RALYL: variants seen among roughly 807,000 people sequenced by gnomAD.
RALYL encodes RALY RNA binding protein like, also known as RNA-binding Raly-like protein.
A neutral mutation model predicts 35.1 loss-of-function variants in RALYL; 29 were observed. The ratio of observed to expected loss-of-function variants is 0.83; its 90% confidence interval spans 0.61 to 1.13. RALYL has a LOEUF of 1.13. RALYL is among the 50% of genes most tolerant of loss of function. RALYL has a pLI of 0.00. For synonymous variants in RALYL, 120 were observed against 127.6 expected (o/e 0.94, Z 0.40); for missense variants, 359 against 360.4 (o/e 1.00, Z 0.03).
At chr8:84,514,873 T>C (rs930662296) in intron 1 of RALYL, among the ~76,000 whole-genome samples, 1 of 152,148 alleles carries the variant, frequency 6.6e-6, no homozygotes, top group Non-Finnish European at 1.5e-5. Flanking sequence ...GAGAAAGTCC[T>C]CTAGAGAGCT....
intron 2 of RALYL, among the ~76,000 whole-genome samples, chr8:84,756,166 C>G (rs181210211): frequency 1.3e-5 from 2 of 151,804 alleles, no homozygotes; most frequent in African/African-American, 4.8e-5. Context: ...CTCATCCCCC[C>G]CAAAAAAACC....
At chr8:84,265,847 A>G (rs16912624) in intron 1 of RALYL, among the ~76,000 whole-genome samples, 5,487 of 152,244 alleles carry the variant, frequency 0.036, 122 homozygotes, top group East Asian at 0.12. Flanking sequence ...ATAATTTTTT[A>G]TCAAGATGAG....
chr8:84,824,944 A>G (rs1344553373), intron 4 of RALYL, among the ~76,000 whole-genome samples: 3 of 152,168 alleles, frequency 2.0e-5, no homozygotes, highest in Non-Finnish European at 4.4e-5. Flanking sequence ...AGCCTTCGGA[A>G]AGAATTCATG....
chr8:84,525,919 G>A (rs946110919), intron 1 of RALYL, among the ~76,000 whole-genome samples: 6 of 144,638 alleles, frequency 4.1e-5, no homozygotes, highest in Non-Finnish European at 4.5e-5. Flanking sequence ...TATTTTATGT[G>A]ATTGAATGAC....
rs187429654 is a variant in RALYL at position 84,480,073 on chromosome 8, A to G, written c.-23-49226A>G. On this transcript the variant is annotated intron_variant, in intron 1 of 8. Coordinates refer to ENST00000521268, the MANE Select transcript of RALYL (RefSeq NM_173848.7). ...TCTGATATGTGTCGAATACATATGG[A>G]CGAGTAGACCAGTGAGTTCCAACCT... Among the ~76,000 whole-genome samples, 392 of 152,274 alleles carry G rather than the reference A, an allele frequency of 2.6e-3. 2 individuals are homozygous for G. Among genetic ancestry groups the G allele is most frequent in the African/African-American group, 8.6e-3 (359 of 41,560 alleles).
chr8:84,601,109 T>C (rs1815837236), intron 2 of RALYL, among the ~76,000 whole-genome samples: 2 of 152,136 alleles, frequency 1.3e-5, no homozygotes, highest in Admixed American at 1.3e-4. Flanking sequence ...AAAATAAATG[T>C]CATTTAATAT....
intron 1 of RALYL, among the ~76,000 whole-genome samples, chr8:84,449,899 C>G (rs974582596): frequency 4.6e-5 from 7 of 151,626 alleles, no homozygotes; most frequent in Non-Finnish European, 7.4e-5. Flanking sequence ...ACATTTTTTG[C>G]AAATATTTAA....
chr8:84,714,030 TCACA>T (rs370280872), intron 2 of RALYL, among the ~76,000 whole-genome samples: 2 of 148,262 alleles, frequency 1.3e-5, no homozygotes, highest in South Asian at 2.1e-4. Flanking sequence ...ACACACATAC[TCACA>T]CACACACACA....
At chr8:84,284,304 G>T (rs1837191372) in intron 1 of RALYL, among the ~76,000 whole-genome samples, 1 of 152,086 alleles carries the variant, frequency 6.6e-6, no homozygotes, top group Admixed American at 6.6e-5. Context: ...TTTTCAGAAA[G>T]TCAAGCAGTA....
chr8:84,549,604 G>A (rs191153244), intron 2 of RALYL, among the ~76,000 whole-genome samples: 1 of 152,288 alleles, frequency 6.6e-6, no homozygotes, highest in East Asian at 1.9e-4. Flanking sequence ...AGGCCTCTGG[G>A]AAAGAGCTAA....
intron 1 of RALYL, among the ~76,000 whole-genome samples, chr8:84,464,036 G>T (rs772093054): frequency 1.3e-5 from 2 of 151,400 alleles, no homozygotes; most frequent in Non-Finnish European, 2.9e-5. Context: ...CCATGCTGTT[G>T]CATTTATCAG....
chr8:84,734,964 T>A (rs1050668905), intron 2 of RALYL, among the ~76,000 whole-genome samples: 1 of 151,712 alleles, frequency 6.6e-6, no homozygotes, highest in Non-Finnish European at 1.5e-5. Context: ...AACATGAATA[T>A]ATATATATGT....
At chr8:84,377,384 GA>G (rs1357401452) in intron 1 of RALYL, among the ~76,000 whole-genome samples, 3 of 148,058 alleles carry the variant, frequency 2.0e-5, no homozygotes, top group Non-Finnish European at 4.5e-5. Context: ...GAGTTGTCAA[GA>G]GAAACTGAAT....
chr8:84,407,016 CTCTATATA>C (rs1249316843), intron 1 of RALYL, among the ~76,000 whole-genome samples: 21 of 142,406 alleles, frequency 1.5e-4, no homozygotes, highest in African/African-American at 5.7e-4. Context: ...CTCTCTCTCT[CTCTATATA>C]TATATATATA....
intron 1 of RALYL, among the ~76,000 whole-genome samples, chr8:84,336,098 A>G (rs995873446): frequency 2.0e-4 from 30 of 152,068 alleles, no homozygotes; most frequent in African/African-American, 7.2e-4. Context: ...ATTTTTGGGG[A>G]TTGATTACAA....
At chr8:84,385,908 T>G (rs910707702) in intron 1 of RALYL, among the ~76,000 whole-genome samples, 1 of 151,800 alleles carries the variant, frequency 6.6e-6, no homozygotes, top group Non-Finnish European at 1.5e-5. Context: ...GAACTGATTT[T>G]AGGACCAAGT....
At chr8:84,415,804 G>T (rs139458447) in intron 1 of RALYL, among the ~76,000 whole-genome samples, 2 of 152,216 alleles carry the variant, frequency 1.3e-5, no homozygotes, top group African/African-American at 4.8e-5. Context: ...TGTACTTAGT[G>T]TTTCTGTATT....
intron 1 of RALYL, among the ~76,000 whole-genome samples, chr8:84,225,144 T>C (rs1221901231): frequency 2.0e-5 from 3 of 152,206 alleles, no homozygotes; most frequent in Non-Finnish European, 4.4e-5. Context: ...CTCTTTGCCT[T>C]GCTCTTATTT....
chr8:84,290,489 G>A (rs938690862), intron 1 of RALYL, among the ~76,000 whole-genome samples: 6 of 151,790 alleles, frequency 4.0e-5, no homozygotes, highest in African/African-American at 1.2e-4. Context: ...GTTCTCTGGC[G>A]GGCAGGAGTG....
Sources: gnomAD v4.1 joint callset for allele counts (sites outside exome capture counted in the v4.1 genomes callset) on GRCh38, gnomAD v4.1.1 for gene constraint, MANE v1.5 for transcripts, NCBI Gene and HGNC (gene_info 2026-07-23, HGNC 2026-07-21) for gene names.